Variants in TTC23 observed in about 807,000 individuals in gnomAD.
TTC23 encodes the protein tetratricopeptide repeat domain 23.
TTC23 carries 58 observed loss-of-function variants against 55.1 expected under a neutral mutation model. The observed-to-expected ratio is 1.05, with a 90% CI of 0.85 to 1.31. The LOEUF (loss-of-function observed/expected upper bound fraction) is 1.31, where lower values mean the gene tolerates loss of function less well. Ranked by LOEUF, TTC23 falls within the 50% of genes most tolerant of loss-of-function variation. The pLI, the probability that TTC23 is intolerant of heterozygous loss-of-function variation, is 0.00. For missense variants in TTC23, 516 were observed against 534.4 expected (o/e 0.97, Z 0.34); for synonymous variants, 203 against 199.9 (o/e 1.02, Z -0.13).
chr15:99,143,077 G>C (rs937873908), intron 12 of TTC23, among the ~76,000 whole-genome samples: 2 of 152,204 alleles, frequency 1.3e-5, no homozygotes, highest in African/African-American at 2.4e-5. Context: ...CTAGGAGACA[G>C]AAACAAATCC....
chr15:99,177,997 T>C (rs927422066), intron 9 of TTC23, among the ~76,000 whole-genome samples: 2 of 151,948 alleles, frequency 1.3e-5, no homozygotes, highest in African/African-American at 2.4e-5. Flanking sequence ...CTGGGCAACA[T>C]AGTGAGACCC....
intron 12 of TTC23, 90 bp from the exon 13 acceptor site, chr15:99,139,489 C>T (rs1293613460): frequency 4.4e-6 from 7 of 1,581,388 alleles, no homozygotes; most frequent in Non-Finnish European, 6.0e-6. Context: ...GAAAGATGAC[C>T]TCATTCTTAG....
chr15:99,220,061 TA>T (rs1480645428), intron 6 of TTC23, among the ~76,000 whole-genome samples: 3 of 152,236 alleles, frequency 2.0e-5, no homozygotes, highest in African/African-American at 7.2e-5. Flanking sequence ...TGTTGGACTG[TA>T]TTTTCAACTG....
At chr15:99,170,302 T>A (rs1328174566) in intron 10 of TTC23, among the ~76,000 whole-genome samples, 1 of 152,072 alleles carries the variant, frequency 6.6e-6, no homozygotes, top group African/African-American at 2.4e-5. Flanking sequence ...CCAGTGGCGT[T>A]TTGTTAGAGG....
chr15:99,187,824 A>T (rs1308654215), intron 9 of TTC23, among the ~76,000 whole-genome samples: 1 of 152,094 alleles, frequency 6.6e-6, no homozygotes, highest in Non-Finnish European at 1.5e-5. Context: ...GACTGAAATT[A>T]AAAAAGACAG....
intron 4 of TTC23, 63 bp from the exon 5 acceptor site, chr15:99,228,795 T>C: frequency 7.5e-7 from 1 of 1,329,996 alleles, no homozygotes; most frequent in Non-Finnish European, 1.0e-6. Flanking sequence ...TTTAGAAATA[T>C]ACATTTCAAC....
chr15:99,230,379 T>G (rs572166272), intron 4 of TTC23, among the ~76,000 whole-genome samples: 1 of 152,228 alleles, frequency 6.6e-6, no homozygotes, highest in South Asian at 2.1e-4. Flanking sequence ...TTGCCTAATA[T>G]ATATGTCATT....
intron 10 of TTC23, among the ~76,000 whole-genome samples, chr15:99,163,869 T>G (rs1043161620): frequency 6.6e-6 from 1 of 152,212 alleles, no homozygotes; most frequent in East Asian, 1.9e-4. Flanking sequence ...TTTCCAGACT[T>G]CAGAACTGTG....
At chr15:99,167,520 C>T (rs1330374140) in intron 10 of TTC23, among the ~76,000 whole-genome samples, 1 of 152,144 alleles carries the variant, frequency 6.6e-6, no homozygotes, top group Non-Finnish European at 1.5e-5. Context: ...AGGTGTGGCT[C>T]GGTGAGCAGG....
intron 12 of TTC23, among the ~76,000 whole-genome samples, chr15:99,144,234 T>G (rs2151841123): frequency 6.6e-6 from 1 of 152,252 alleles, no homozygotes; most frequent in East Asian, 1.9e-4. Flanking sequence ...AAACCTGGGA[T>G]AGGTGCCGTC....
At chr15:99,238,029 G>C (rs1289634612) in intron 3 of TTC23, among the ~76,000 whole-genome samples, 5 of 152,176 alleles carry the variant, frequency 3.3e-5, no homozygotes, top group Non-Finnish European at 5.9e-5. Flanking sequence ...ACAGTGGCAC[G>C]ATCTCGGCTC....
chr15:99,158,367 T>A (rs1344791124), intron 11 of TTC23: 1 of 152,190 alleles, frequency 6.6e-6, no homozygotes, highest in African/African-American at 2.4e-5. Flanking sequence ...CTTTCCCAGA[T>A]AAAGCTTTGG....
chr15:99,218,874 T>A (rs753401451), intron 7 of TTC23, 24 bp downstream of exon 7: 45 of 1,604,624 alleles, frequency 2.8e-5, no homozygotes, highest in Non-Finnish European at 3.4e-5. Flanking sequence ...TTTCTATTTG[T>A]AAAAGTTAGA....
intron 4 of TTC23, among the ~76,000 whole-genome samples, chr15:99,233,372 T>C (rs551545050): frequency 1.3e-5 from 2 of 152,152 alleles, no homozygotes; most frequent in Admixed American, 6.5e-5. Context: ...CTACAAATAC[T>C]AAAAGGTTAA....
At position 99,190,257 on chromosome 15, in the gene TTC23, G is replaced by GTT. The variant is rs71149449; in HGVS notation, c.759+9660_759+9661dup. ...TGTGGTTACATAAGAAAATATCCTT[G>GTT]TTTTTTTTTTTTGTTTGTTTTTGTT... On this transcript the variant is annotated intron_variant, in intron 9 of 13. Transcript: ENST00000394132. 9.2e-3 allele frequency among the ~76,000 whole-genome samples: 1,286 copies of GTT among 140,364 alleles called. 19 individuals are homozygous for GTT. The highest frequency in any genetic ancestry group is 0.03 in the African/African-American group (1,129 of 38,214). The allele number at this position is 140,364 out of a possible 152,430, so 92.1% of individuals were successfully genotyped here.
At chr15:99,191,043 C>T (rs2075211688) in intron 9 of TTC23, among the ~76,000 whole-genome samples, 1 of 152,090 alleles carries the variant, frequency 6.6e-6, no homozygotes, top group Non-Finnish European at 1.5e-5. Context: ...CCTTGGCCTT[C>T]CAAAGTGCTG....
chr15:99,214,240 G>C (rs954792743), intron 8 of TTC23, among the ~76,000 whole-genome samples: 1 of 151,914 alleles, frequency 6.6e-6, no homozygotes, highest in African/African-American at 2.4e-5. Context: ...GGGTGCGGTG[G>C]CTCACGCCTG....
intron 9 of TTC23, among the ~76,000 whole-genome samples, chr15:99,189,096 GA>G (rs1267894891): frequency 6.6e-6 from 1 of 151,976 alleles, no homozygotes; most frequent in Non-Finnish European, 1.5e-5. Flanking sequence ...AAACTATTTG[GA>G]AAAAACCCAT....
chr15:99,138,915 G>A (rs1436186286), intron 13 of TTC23, among the ~76,000 whole-genome samples: 15 of 152,248 alleles, frequency 9.9e-5, no homozygotes, highest in African/African-American at 3.6e-4. Flanking sequence ...GGCTGAGAAA[G>A]GACGTAGGGG....
Sources: gnomAD v4.1 joint callset for allele counts (sites outside exome capture counted in the v4.1 genomes callset) on GRCh38, gnomAD v4.1.1 for gene constraint, MANE v1.5 for transcripts, NCBI Gene and HGNC (gene_info 2026-07-23, HGNC 2026-07-21) for gene names.